Variants in ASIC2 observed in about 807,000 individuals in gnomAD.
The protein encoded by ASIC2 is acid-sensing ion channel 2.
In ASIC2, 25 loss-of-function variants were observed where a neutral mutation model predicts 57.3. The observed-to-expected ratio is 0.44, with a 90% confidence interval of 0.32 to 0.61. The LOEUF (loss-of-function observed/expected upper bound fraction) is 0.61, where lower values mean the gene tolerates loss of function less well. ASIC2 is among the 20% of genes least tolerant of loss of function. The probability of loss-of-function intolerance (pLI) is 0.06; values close to 1 mark genes in which losing one functional copy is unlikely to be tolerated. For missense variants in ASIC2, 641 were observed against 738.1 expected (o/e 0.87, Z 1.52); for synonymous variants, 319 against 307.5 (o/e 1.04, Z -0.39).
At chr17:33,616,047 C>T (rs891960000) in intron 1 of ASIC2, among the ~76,000 whole-genome samples, 1 of 152,198 alleles carries the variant, frequency 6.6e-6, no homozygotes. Flanking sequence ...ATTGGAGACA[C>T]TCTTCAAAGT....
chr17:33,496,309 T>G (rs8075439), intron 1 of ASIC2, among the ~76,000 whole-genome samples: 1 of 152,144 alleles, frequency 6.6e-6, no homozygotes, highest in African/African-American at 2.4e-5. Context: ...AAGGCTGGAA[T>G]AGTGGCCCCT....
chr17:33,814,372 A>ATGTG (rs892273786), intron 1 of ASIC2, among the ~76,000 whole-genome samples: 13 of 152,172 alleles, frequency 8.5e-5, no homozygotes, highest in Non-Finnish European at 1.5e-4. Context: ...TGTGTCTGTG[A>ATGTG]TGTGGGAAGA....
chr17:33,114,668 G>A (rs1292051546), intron 1 of ASIC2, among the ~76,000 whole-genome samples: 1 of 152,212 alleles, frequency 6.6e-6, no homozygotes, highest in Non-Finnish European at 1.5e-5. Context: ...TGCCATTGGT[G>A]AAGGTGTTGA....
chr17:33,863,265 G>T (rs1345900493), intron 1 of ASIC2, among the ~76,000 whole-genome samples: 2 of 152,238 alleles, frequency 1.3e-5, no homozygotes, highest in Admixed American at 1.3e-4. Flanking sequence ...TTATCAGGTG[G>T]CTCCTAAAAG....
chr17:33,289,166 C>T (rs1161294629), intron 1 of ASIC2, among the ~76,000 whole-genome samples: 3 of 152,178 alleles, frequency 2.0e-5, no homozygotes, highest in Non-Finnish European at 4.4e-5. Flanking sequence ...CCTGAGTCTC[C>T]AGGAACACAT....
chr17:33,920,349 A>T (rs1355274743), intron 1 of ASIC2, among the ~76,000 whole-genome samples: 1 of 152,222 alleles, frequency 6.6e-6, no homozygotes, highest in African/African-American at 2.4e-5. Context: ...AATGTGGTAT[A>T]TATACACCAT....
At chr17:33,770,736 A>C (rs1235307241) in intron 1 of ASIC2, among the ~76,000 whole-genome samples, 1 of 152,212 alleles carries the variant, frequency 6.6e-6, no homozygotes, top group African/African-American at 2.4e-5. Context: ...CTCCTTGGTT[A>C]GAATTGAAAT....
At chr17:33,939,275 C>T (rs1401913247) in intron 1 of ASIC2, among the ~76,000 whole-genome samples, 1 of 152,198 alleles carries the variant, frequency 6.6e-6, no homozygotes, top group Non-Finnish European at 1.5e-5. Context: ...CCCCCAATTG[C>T]CCTGTGCAGT....
At chr17:33,572,163 T>A (rs1019070611) in intron 1 of ASIC2, 1 of 152,222 alleles carries the variant, frequency 6.6e-6, no homozygotes, top group Admixed American at 6.5e-5. Context: ...AGGCCACTTG[T>A]GACCTCTATT....
intron 1 of ASIC2, among the ~76,000 whole-genome samples, chr17:33,990,828 T>C (rs1329653559): frequency 6.6e-6 from 1 of 152,112 alleles, no homozygotes; most frequent in Non-Finnish European, 1.5e-5. Context: ...CACTAACATC[T>C]CTCCCACAGC....
chr17:33,789,444 G>T (rs950966212), intron 1 of ASIC2, among the ~76,000 whole-genome samples: 8 of 147,572 alleles, frequency 5.4e-5, no homozygotes, highest in African/African-American at 2.0e-4. Flanking sequence ...TTATTTGTGA[G>T]ATTTAGCAGA....
chr17:33,291,408 G>C lies in ASIC2; in HGVS notation c.708C>G (p.Ser236=), dbSNP rs756706831. Residue 236 remains serine (S), a splice_region_variant and synonymous_variant, in exon 1 of 10, where the codon TCC becomes TCG. Coordinates refer to ENST00000225823, the MANE Select transcript of ASIC2 (RefSeq NM_183377.2). ...GELCGPHNFS[S]VFTKYGKCYM... The stretch of plus-strand genomic sequence containing the variant: ...CGGGTTCGCGCGGAGGGCAACTCAC[G>C]GAGGAGAAGTTGTGCGGCCCGCAGA... 1.9e-6 allele frequency: 3 copies of C among 1,594,538 alleles called. No homozygotes were observed. Among genetic ancestry groups the C allele is most frequent in the African/African-American group, 1.3e-5 (1 of 74,532 alleles).
chr17:33,328,387 C>T (rs990769021), intron 1 of ASIC2, among the ~76,000 whole-genome samples: 2 of 152,134 alleles, frequency 1.3e-5, no homozygotes, highest in East Asian at 1.9e-4. Context: ...AATCACGAGC[C>T]GGATCAAAGC....
At chr17:34,034,769 CA>C (rs1292997263) in intron 1 of ASIC2, among the ~76,000 whole-genome samples, 1 of 152,098 alleles carries the variant, frequency 6.6e-6, no homozygotes, top group Non-Finnish European at 1.5e-5. Flanking sequence ...ACAATTGCTT[CA>C]AAGAGAATAA....
intron 1 of ASIC2, among the ~76,000 whole-genome samples, chr17:34,141,078 A>G (rs532071082): frequency 1.8e-3 from 281 of 152,324 alleles, no homozygotes; most frequent in Non-Finnish European, 3.5e-3. Flanking sequence ...CAGCCAAAAA[A>G]TCATATCTGG....
chr17:33,392,196 CTCCTTCCT>C (rs377322524), intron 1 of ASIC2, among the ~76,000 whole-genome samples: 9,073 of 37,572 alleles, frequency 0.24, 414 homozygotes, highest in Non-Finnish European at 0.33. Flanking sequence ...CCTTCCTTCC[CTCCTTCCT>C]TCCTTCCTTC....
At chr17:33,425,843 G>A (rs999691725) in intron 1 of ASIC2, among the ~76,000 whole-genome samples, 2 of 152,112 alleles carry the variant, frequency 1.3e-5, no homozygotes, top group African/African-American at 4.8e-5. Flanking sequence ...AAAATGTGTG[G>A]GTGACTCCCA....
At chr17:33,327,221 C>T (rs1907114867) in intron 1 of ASIC2, among the ~76,000 whole-genome samples, 1 of 152,182 alleles carries the variant, frequency 6.6e-6, no homozygotes. Context: ...ATTATCTTCC[C>T]ATTTCTTCAA....
At chr17:33,555,151 G>A (rs1243737612) in intron 1 of ASIC2, among the ~76,000 whole-genome samples, 5 of 152,102 alleles carry the variant, frequency 3.3e-5, no homozygotes, top group South Asian at 2.1e-4. Flanking sequence ...TTATGGGCAC[G>A]CGGGTAACAG....
Sources: gnomAD v4.1 joint callset for allele counts (sites outside exome capture counted in the v4.1 genomes callset) on GRCh38, gnomAD v4.1.1 for gene constraint, MANE v1.5 for transcripts, NCBI Gene and HGNC (gene_info 2026-07-23, HGNC 2026-07-21) for gene names.